The following NCKAP5 variants were observed in gnomAD, a reference collection of about 807,000 sequenced individuals.
NCKAP5 encodes nck-associated protein 5.
Under a neutral mutation model 167.0 loss-of-function variants are expected in NCKAP5, and 92 were observed. The ratio of observed to expected loss-of-function variants is 0.55; its 90% CI spans 0.47 to 0.66. NCKAP5 has a LOEUF of 0.66. NCKAP5 is among the 30% of genes least tolerant of loss of function. NCKAP5 has a pLI of 0.00. For missense variants in NCKAP5, 2,378 were observed against 2,315.0 expected (o/e 1.03, Z -0.56); for synonymous variants, 891 against 877.4 (o/e 1.02, Z -0.27).
intron 5 of NCKAP5, among the ~76,000 whole-genome samples, chr2:133,140,008 T>C (rs557171626): frequency 1.3e-5 from 2 of 152,330 alleles, no homozygotes; most frequent in South Asian, 4.1e-4. Context: ...ATTCTCAGCT[T>C]GACTTAGAAA....
chr2:133,023,915 T>C (rs1231079081), intron 6 of NCKAP5, among the ~76,000 whole-genome samples: 1 of 152,166 alleles, frequency 6.6e-6, no homozygotes, highest in East Asian at 1.9e-4. Flanking sequence ...ATCATCTTAT[T>C]TATAATCAGC....
intron 16 of NCKAP5, among the ~76,000 whole-genome samples, chr2:132,734,650 C>T (rs1691337955): frequency 6.6e-6 from 1 of 152,144 alleles, no homozygotes; most frequent in African/African-American, 2.4e-5. Context: ...GTTCTGCTTT[C>T]TTTGTATCAT....
chr2:132,922,895 T>A (rs1695554479), intron 8 of NCKAP5, among the ~76,000 whole-genome samples: 1 of 152,218 alleles, frequency 6.6e-6, no homozygotes, highest in South Asian at 2.1e-4. Flanking sequence ...CCTGGTCTTT[T>A]AATGGAATCA....
At chr2:133,185,279 A>G (rs1232071508) in intron 5 of NCKAP5, among the ~76,000 whole-genome samples, 2 of 151,924 alleles carry the variant, frequency 1.3e-5, no homozygotes, top group South Asian at 2.1e-4. Flanking sequence ...ATAGGTGTGC[A>G]GCTTTATTTC....
chr2:133,198,272 G>A (rs1553572986), intron 5 of NCKAP5, among the ~76,000 whole-genome samples: 1 of 152,080 alleles, frequency 6.6e-6, no homozygotes, highest in Non-Finnish European at 1.5e-5. Flanking sequence ...TTTGGTGAAA[G>A]ACAAATTTGC....
At chr2:133,613,285 T>C in the NCKAP5 span, among the ~76,000 whole-genome samples, 1 of 152,182 alleles carries the variant, frequency 6.6e-6, no homozygotes, top group African/African-American at 2.4e-5. Flanking sequence ...TAATGTTCAA[T>C]GGATGCAATG....
At chr2:133,594,287 T>A in the NCKAP5 span, among the ~76,000 whole-genome samples, 80 of 152,296 alleles carry the variant, frequency 5.3e-4, no homozygotes, top group Non-Finnish European at 9.0e-4. Flanking sequence ...GGAAACCTAA[T>A]GAGAAAATCT....
intron 19 of NCKAP5, among the ~76,000 whole-genome samples, chr2:132,696,011 A>G (rs1687273343): frequency 6.6e-6 from 1 of 152,228 alleles, no homozygotes; most frequent in Non-Finnish European, 1.5e-5. Context: ...GCTTCACCCA[A>G]CACAAGGTAA....
At chr2:133,048,742 C>T (rs777097170) in intron 6 of NCKAP5, among the ~76,000 whole-genome samples, 8 of 152,094 alleles carry the variant, frequency 5.3e-5, no homozygotes, top group South Asian at 2.1e-4. Flanking sequence ...AATAGAATAA[C>T]GACAATTGTT....
intron 3 of NCKAP5, among the ~76,000 whole-genome samples, chr2:133,318,356 T>C (rs1014281555): frequency 6.6e-6 from 1 of 152,224 alleles, no homozygotes; most frequent in Admixed American, 6.5e-5. Flanking sequence ...TCTTCTGCTC[T>C]CAACTCTAGC....
the NCKAP5 span, among the ~76,000 whole-genome samples, chr2:133,651,107 G>C: frequency 1.3e-5 from 2 of 152,118 alleles, no homozygotes; most frequent in African/African-American, 4.8e-5. Context: ...ATATGGCATT[G>C]GTCCTGACAA....
At chr2:132,741,794 C>T (rs1343394022) in intron 16 of NCKAP5, among the ~76,000 whole-genome samples, 2 of 152,098 alleles carry the variant, frequency 1.3e-5, no homozygotes, top group African/African-American at 4.8e-5. Context: ...ATCTATCCAC[C>T]TTTTCGCACT....
At chr2:133,160,837 G>A (rs2083766617) in intron 5 of NCKAP5, among the ~76,000 whole-genome samples, 1 of 152,084 alleles carries the variant, frequency 6.6e-6, no homozygotes. Flanking sequence ...TATTTCTAGG[G>A]AGAGTCTTCT....
At chr2:133,233,716 C>T (rs758731266) in intron 4 of NCKAP5, among the ~76,000 whole-genome samples, 1 of 152,100 alleles carries the variant, frequency 6.6e-6, no homozygotes, top group African/African-American at 2.4e-5. Flanking sequence ...CCACATTAAG[C>T]CATCACTGTG....
intron 13 of NCKAP5, among the ~76,000 whole-genome samples, chr2:132,786,086 T>G (rs1230897357): frequency 6.6e-6 from 1 of 152,244 alleles, no homozygotes; most frequent in Non-Finnish European, 1.5e-5. Flanking sequence ...ACAGGTCTAT[T>G]TGGAGAAAGG....
At chr2:133,374,899 A>C (rs16824040) in intron 3 of NCKAP5, among the ~76,000 whole-genome samples, 2,075 of 152,298 alleles carry the variant, frequency 0.014, 47 homozygotes, top group African/African-American at 0.046. Flanking sequence ...CCAAGGCCAA[A>C]TTAACTGTCT....
chr2:133,555,976 A>C (rs1181547364), intron 2 of NCKAP5, among the ~76,000 whole-genome samples: 1 of 152,222 alleles, frequency 6.6e-6, no homozygotes, highest in Non-Finnish European at 1.5e-5. Context: ...AGCAATACAG[A>C]TGAATCACAC....
rs61746887 is a variant in NCKAP5 at position 132,783,849 on chromosome 2, T to A, written c.2962A>T (p.Thr988Ser). Residue 988 changes from threonine to serine, a missense_variant, in exon 14 of 20, where the codon ACG (threonine) becomes TCG (serine). Thr to Ser is a moderately conservative substitution (Grantham distance 58). Transcript: ENST00000409261. ...SAPVISSNPA[T>S]TEVQRKKPSV... ...GGTTTCTTCCTCTGCACTTCTGTCG[T>A]GGCCGGATTAGAAGAAATAACTGGA... 6,723 of 1,530,276 alleles carry A rather than the reference T, an allele frequency of 4.4e-3. 234 individuals carry two copies. In the East Asian group the frequency reaches 0.088, roughly 20 times the overall value. 94.8% of individuals were successfully genotyped at this position (1,530,276 alleles called of 1,614,324 possible).
chr2:133,552,745 T>TA lies in NCKAP5; in HGVS notation c.-62+6304dup, dbSNP rs57165361. 3.9e-3 allele frequency among the ~76,000 whole-genome samples: 465 copies of TA among 119,452 alleles called. 3 individuals are homozygous for TA. The highest frequency in any genetic ancestry group is 0.034 in the East Asian group (151 of 4,450). 78.4% of individuals were successfully genotyped at this position (119,452 alleles called of 152,430 possible). ...ATGTACCCTAAAACTTAAAGTATAA[T>TA]AAAAAAAAAAGAAAAAGAAAAAAAA... On this transcript the variant is annotated intron_variant, in intron 2 of 19. Coordinates refer to ENST00000409261, the MANE Select transcript of NCKAP5 (RefSeq NM_207363.3).
Sources: gnomAD v4.1 joint callset for allele counts (sites outside exome capture counted in the v4.1 genomes callset) on GRCh38, gnomAD v4.1.1 for gene constraint, MANE v1.5 for transcripts, NCBI Gene and HGNC (gene_info 2026-07-23, HGNC 2026-07-21) for gene names.